The following DPH6 variants were observed in gnomAD, a reference collection of about 807,000 sequenced individuals.
The protein encoded by DPH6 is diphthine--ammonia ligase.
Under a neutral mutation model 38.2 loss-of-function variants are expected in DPH6, and 33 were observed. That is an observed-to-expected ratio of 0.86 (90% CI 0.65 to 1.15). DPH6 has a LOEUF of 1.15. Among genes scored for constraint, DPH6 ranks in the 50% most tolerant of loss-of-function variants. DPH6 has a pLI of 0.00. For missense variants in DPH6, 325 were observed against 320.0 expected (o/e 1.02, Z -0.12); for synonymous variants, 108 against 103.0 (o/e 1.05, Z -0.30).
At chr15:35,277,192 A>C (rs2051865014) in intron 3 of DPH6, among the ~76,000 whole-genome samples, 1 of 152,050 alleles carries the variant, frequency 6.6e-6, no homozygotes, top group African/African-American at 2.4e-5. Flanking sequence ...GTTATTGTAA[A>C]AGGGGTTGAA....
the DPH6 span, among the ~76,000 whole-genome samples, chr15:35,170,284 G>A: frequency 6.9e-3 from 1,057 of 152,316 alleles, 16 homozygotes; most frequent in African/African-American, 0.025. Flanking sequence ...AATGAAATGT[G>A]TCTCTTGGTT....
chr15:35,164,016 T>C, the DPH6 span, among the ~76,000 whole-genome samples: 1 of 151,914 alleles, frequency 6.6e-6, no homozygotes, highest in African/African-American at 2.4e-5. Flanking sequence ...AAGAATTGTC[T>C]AATATTCATG....
chr15:35,499,998 A>G (rs2054605697), intron 3 of DPH6, among the ~76,000 whole-genome samples: 1 of 152,184 alleles, frequency 6.6e-6, no homozygotes, highest in African/African-American at 2.4e-5. Context: ...CACAGTGCAA[A>G]GAGGTCAAGA....
downstream of DPH6, among the ~76,000 whole-genome samples, chr15:35,369,219 A>T (rs2052688479): frequency 6.6e-6 from 1 of 151,810 alleles, no homozygotes; most frequent in African/African-American, 2.4e-5. Context: ...TCATCAAAGT[A>T]ATTAAGGTCA....
intron 5 of DPH6, among the ~76,000 whole-genome samples, chr15:35,412,584 T>C (rs1472263331): frequency 6.6e-6 from 1 of 151,728 alleles, no homozygotes; most frequent in Non-Finnish European, 1.5e-5. Context: ...CCAAAATGTA[T>C]TTCAGTAGGT....
chr15:35,445,538 C>T (rs920010041), intron 5 of DPH6, among the ~76,000 whole-genome samples: 1 of 151,160 alleles, frequency 6.6e-6, no homozygotes, highest in Non-Finnish European at 1.5e-5. Flanking sequence ...TGAAAAAACT[C>T]AACATATGAA....
chr15:35,433,639 A>G (rs1413867463), intron 5 of DPH6, among the ~76,000 whole-genome samples: 2 of 152,008 alleles, frequency 1.3e-5, no homozygotes, highest in African/African-American at 2.4e-5. Context: ...TTCCTATAAA[A>G]CTCTATTTCC....
At chr15:35,288,123 G>GT (rs959139522) in intron 3 of DPH6, among the ~76,000 whole-genome samples, 1 of 152,106 alleles carries the variant, frequency 6.6e-6, no homozygotes, top group African/African-American at 2.4e-5. Context: ...TGTTCATTTT[G>GT]TCAACTACAT....
At chr15:35,540,340 A>G (rs2055234325) in intron 2 of DPH6, among the ~76,000 whole-genome samples, 1 of 152,090 alleles carries the variant, frequency 6.6e-6, no homozygotes, top group Admixed American at 6.6e-5. Flanking sequence ...ACAAGTTCGC[A>G]TTATCCTCAT....
chr15:35,446,199 A>G (rs1204013121), intron 5 of DPH6, among the ~76,000 whole-genome samples: 23 of 150,068 alleles, frequency 1.5e-4, no homozygotes, highest in Admixed American at 1.3e-3. Flanking sequence ...GTACAGTACT[A>G]TAAGTGTATT....
At chr15:35,523,985 A>G (rs1351380894) in intron 3 of DPH6, among the ~76,000 whole-genome samples, 2 of 151,798 alleles carry the variant, frequency 1.3e-5, no homozygotes, top group Non-Finnish European at 2.9e-5. Flanking sequence ...CAAACCACAG[A>G]TCGTGGTTTT....
chr15:35,525,211 G>T (rs576661913), intron 3 of DPH6, among the ~76,000 whole-genome samples: 10 of 152,196 alleles, frequency 6.6e-5, no homozygotes, highest in Admixed American at 1.3e-4. Context: ...CTACACTTGA[G>T]GAAATCAAGA....
intron 3 of DPH6, among the ~76,000 whole-genome samples, chr15:35,501,356 C>G (rs1403272676): frequency 1.3e-5 from 2 of 152,148 alleles, no homozygotes; most frequent in Non-Finnish European, 2.9e-5. Flanking sequence ...ATGAGTTTAG[C>G]TTAGTCAGAC....
chr15:35,185,523 G>A, the DPH6 span, among the ~76,000 whole-genome samples: 1 of 152,138 alleles, frequency 6.6e-6, no homozygotes, highest in African/African-American at 2.4e-5. Context: ...TAGCTACAAG[G>A]AACAGAGTTG....
intron 3 of DPH6, among the ~76,000 whole-genome samples, chr15:35,499,854 C>G (rs542408713): frequency 3.2e-4 from 49 of 152,206 alleles, no homozygotes; most frequent in Non-Finnish European, 6.3e-4. Flanking sequence ...CAGGAAGTAA[C>G]TTGCTAATAG....
At chr15:35,248,565 A>G (rs2051650927) in intron 3 of DPH6, among the ~76,000 whole-genome samples, 1 of 152,218 alleles carries the variant, frequency 6.6e-6, no homozygotes, top group Admixed American at 6.5e-5. Context: ...TTCTTGCTTC[A>G]TCAGATCTAA....
intron 3 of DPH6, among the ~76,000 whole-genome samples, chr15:35,349,303 A>G (rs2052488845): frequency 6.6e-6 from 1 of 152,212 alleles, no homozygotes; most frequent in Non-Finnish European, 1.5e-5. Flanking sequence ...CTTTTCATAT[A>G]TGGCCTTTAC....
intron 3 of DPH6, among the ~76,000 whole-genome samples, chr15:35,313,310 G>A (rs528275438): frequency 3.4e-4 from 52 of 150,910 alleles, no homozygotes; most frequent in Admixed American, 1.3e-3. Flanking sequence ...GGATTGCTTC[G>A]GCCACTTGGA....
intron 3 of DPH6, among the ~76,000 whole-genome samples, chr15:35,294,742 T>G (rs189965732): frequency 6.6e-6 from 1 of 152,020 alleles, no homozygotes; most frequent in African/African-American, 2.4e-5. Context: ...ATCCCACAGA[T>G]AGATATAAAA....
Sources: allele counts gnomAD v4.1 joint callset (sites outside exome capture counted in the v4.1 genomes callset), GRCh38; gene constraint gnomAD v4.1.1; transcripts MANE v1.5; gene names NCBI Gene and HGNC (gene_info 2026-07-23, HGNC 2026-07-21).